Variants in STRBP observed in about 807,000 individuals in gnomAD.
The protein encoded by STRBP is spermatid perinuclear RNA binding protein, also known as spermatid perinuclear RNA-binding protein.
STRBP carries 13 observed loss-of-function variants against 80.1 expected under a neutral mutation model. The ratio of observed to expected loss-of-function variants is 0.16; its 90% CI spans 0.11 to 0.26. STRBP has a LOEUF of 0.26. Ranked by LOEUF, STRBP falls within the 10% of genes least tolerant of loss-of-function variation. The pLI is 1.00. For missense variants in STRBP, 485 were observed against 815.2 expected (o/e 0.59, Z 4.93); for synonymous variants, 284 against 291.2 (o/e 0.98, Z 0.25).
At chr9:123,227,935 G>A (rs950371451) in intron 2 of STRBP, among the ~76,000 whole-genome samples, 3 of 152,158 alleles carry the variant, frequency 2.0e-5, no homozygotes, top group Non-Finnish European at 4.4e-5. Context: ...TACAGCAGAG[G>A]ATCTAATTAG....
At chr9:123,159,799 T>G (rs1466960269) in intron 8 of STRBP, among the ~76,000 whole-genome samples, 3 of 152,220 alleles carry the variant, frequency 2.0e-5, no homozygotes, top group African/African-American at 7.2e-5. Flanking sequence ...TAAGTTGTCT[T>G]GATTGGAGCA....
At chr9:123,213,271 T>C (rs1237922338) in intron 2 of STRBP, among the ~76,000 whole-genome samples, 1 of 152,186 alleles carries the variant, frequency 6.6e-6, no homozygotes, top group African/African-American at 2.4e-5. Context: ...GTTTTCTCAG[T>C]ATGCAACAAA....
chr9:123,260,810 G>A (rs896173484), intron 1 of STRBP, among the ~76,000 whole-genome samples: 3 of 152,208 alleles, frequency 2.0e-5, no homozygotes, highest in Middle Eastern at 3.4e-3. Flanking sequence ...ATGGCTATAT[G>A]GAAATTTACT....
At chr9:123,196,002 C>T (rs1212024500) in intron 2 of STRBP, among the ~76,000 whole-genome samples, 1 of 152,038 alleles carries the variant, frequency 6.6e-6, no homozygotes, top group African/African-American at 2.4e-5. Context: ...TAAAAACAGA[C>T]ACATGCTGAT....
At chr9:123,131,605 A>C (rs1230637097) in intron 17 of STRBP, among the ~76,000 whole-genome samples, 1 of 152,222 alleles carries the variant, frequency 6.6e-6, no homozygotes, top group Non-Finnish European at 1.5e-5. Context: ...CCAGGGACCC[A>C]CTAAACTAGA....
chr9:123,207,455 T>C (rs1357851526), intron 2 of STRBP, among the ~76,000 whole-genome samples: 1 of 152,056 alleles, frequency 6.6e-6, no homozygotes, highest in Non-Finnish European at 1.5e-5. Context: ...CATAAGATAA[T>C]GTTACATATC....
chr9:123,120,935 T>C (rs1203479851), downstream of STRBP, among the ~76,000 whole-genome samples: 1 of 152,212 alleles, frequency 6.6e-6, no homozygotes, highest in Non-Finnish European at 1.5e-5. Flanking sequence ...TAATATTCTT[T>C]TTGCCACAGT....
intron 2 of STRBP, among the ~76,000 whole-genome samples, chr9:123,219,112 T>TCTACAAGGGCTCCCTATGCC (rs1253671039): frequency 6.6e-6 from 1 of 152,172 alleles, no homozygotes; most frequent in Non-Finnish European, 1.5e-5. Flanking sequence ...CCTAAACCAT[T>TCTACAAGGGCTCCCTATGCC]CTACAAGGGC....
chr9:123,231,575 A>T (rs1269140981), intron 2 of STRBP, among the ~76,000 whole-genome samples: 14 of 152,214 alleles, frequency 9.2e-5, no homozygotes, highest in Admixed American at 8.5e-4. Context: ...TACTCAAGTC[A>T]GGAGACCAGG....
chr9:123,125,481 T>A lies in STRBP; in HGVS notation c.*116A>T. ...AATCAAAAAGTAGGAAAGATGTTCT[T>A]TACAAATAATTTTGATCAAGTATGT... On this transcript the variant is annotated 3_prime_UTR_variant, in exon 19 of 19. Transcript: ENST00000348403. 1 of 1,316,912 alleles carries A rather than the reference T, an allele frequency of 7.6e-7. No homozygotes were observed. The highest frequency in any genetic ancestry group is 9.8e-7 in the Non-Finnish European group (1 of 1,025,556). 81.6% of individuals were successfully genotyped at this position (1,316,912 alleles called of 1,614,324 possible).
intron 5 of STRBP, 125 bp downstream of exon 5, chr9:123,173,552 A>G (rs2038097830): frequency 3.2e-6 from 3 of 925,618 alleles, no homozygotes; most frequent in Non-Finnish European, 4.7e-6. Flanking sequence ...CCAGAGTAGC[A>G]GTACTCATTT....
chr9:123,209,518 C>T (rs1413925035), intron 2 of STRBP, among the ~76,000 whole-genome samples: 1 of 152,192 alleles, frequency 6.6e-6, no homozygotes, highest in Non-Finnish European at 1.5e-5. Context: ...GTGATGCCTA[C>T]AATCATATTC....
At position 123,241,658 on chromosome 9, in the gene STRBP, T is replaced by C. The variant is rs145855422; in HGVS notation, c.-301-4692A>G. On this transcript the variant is annotated intron_variant, in intron 1 of 18. Transcript: ENST00000348403. ...AATCTAGGCATTATCTTTGATTCCC[T>C]TTTCCTGTGGCCATGAAATACAGAA... 4.9e-3 allele frequency among the ~76,000 whole-genome samples: 743 copies of C among 152,322 alleles called. 10 individuals carry two copies. Among genetic ancestry groups the C allele is most frequent in the Middle Eastern group, 0.01 (3 of 294 alleles).
rs775881593 is a variant in STRBP at position 123,125,584 on chromosome 9, C to T, written c.*13G>A. ...TGTATTGTTGTTCAATAGGAATTAG[C>T]TTCTGTCATTTGCTAAAAGAATGAG... On this transcript the variant is annotated 3_prime_UTR_variant, in exon 19 of 19. Coordinates refer to ENST00000348403, the MANE Select transcript of STRBP (RefSeq NM_018387.5). 2 of 1,611,472 alleles carry T rather than the reference C, an allele frequency of 1.2e-6. No individual in the cohort carries two copies. Among genetic ancestry groups the T allele is most frequent in the Non-Finnish European group, 1.7e-6 (2 of 1,179,112 alleles).
At chr9:123,130,647 C>T (rs190441014) in intron 17 of STRBP, among the ~76,000 whole-genome samples, 136 of 152,268 alleles carry the variant, frequency 8.9e-4, no homozygotes, top group African/African-American at 2.9e-3. Flanking sequence ...TTCAATAATA[C>T]ACTGAATAAG....
intron 1 of STRBP, among the ~76,000 whole-genome samples, chr9:123,255,712 T>C (rs906098211): frequency 1.3e-5 from 2 of 152,234 alleles, no homozygotes; most frequent in Non-Finnish European, 2.9e-5. Flanking sequence ...CTTCTCTTTC[T>C]GGGAGTTAGC....
chr9:123,180,670 AT>A (rs1484341756), intron 3 of STRBP, among the ~76,000 whole-genome samples: 1 of 152,200 alleles, frequency 6.6e-6, no homozygotes, highest in Non-Finnish European at 1.5e-5. Context: ...AAATGAATGA[AT>A]TTCATGAAAA....
chr9:123,147,069 G>C lies in STRBP; in HGVS notation c.1139-15C>G. 6.3e-7 allele frequency: 1 copy of C among 1,598,070 alleles called. No homozygotes were observed. Among genetic ancestry groups the C allele is most frequent in the Non-Finnish European group, 8.6e-7 (1 of 1,168,646 alleles). ...ACTATCCAGAACTGTTAAAGAAAGAGGAATGAGGTCAGAAATTAACTAGAA... is the reference window on the plus strand; with the variant it reads ...ACTATCCAGAACTGTTAAAGAAAGACGAATGAGGTCAGAAATTAACTAGAA... On this transcript the variant is annotated splice_polypyrimidine_tract_variant and intron_variant, in intron 12 of 18. Transcript: ENST00000348403.
rs1024402769 is a variant in STRBP, at chr9:123,135,957, T to G, written c.1773+84A>C. On this transcript the variant is annotated intron_variant, in intron 16 of 18. Transcript: ENST00000348403. Reference sequence around the variant, plus strand: ...AAAAGGAAACAACTTCAGAAAAAGCTAAAGTGCCACATGGACAGGAAAGAA... The same window carrying G: ...AAAAGGAAACAACTTCAGAAAAAGCGAAAGTGCCACATGGACAGGAAAGAA... 3.2e-6 allele frequency: 5 copies of G among 1,547,492 alleles called. No homozygotes were observed. In the Admixed American group the frequency reaches 7.9e-5, roughly 24 times the overall value.
Sources: gnomAD v4.1 joint callset for allele counts (sites outside exome capture counted in the v4.1 genomes callset) on GRCh38, gnomAD v4.1.1 for gene constraint, MANE v1.5 for transcripts, NCBI Gene and HGNC (gene_info 2026-07-23, HGNC 2026-07-21) for gene names.